DGKI: variants seen among roughly 807,000 people sequenced by gnomAD.
DGKI encodes DAG kinase iota.
DGKI carries 55 observed loss-of-function variants against 147.5 expected under a neutral mutation model. The ratio of observed to expected loss-of-function variants is 0.37; its 90% CI spans 0.30 to 0.47. DGKI has a LOEUF of 0.47. Among genes scored for constraint, DGKI ranks in the 20% least tolerant of loss-of-function variants. The pLI, the probability that DGKI is intolerant of heterozygous loss-of-function variation, is 1.00. For synonymous variants in DGKI, 469 were observed against 477.1 expected (o/e 0.98, Z 0.22); for missense variants, 1,007 against 1,323.8 (o/e 0.76, Z 3.71).
chr7:137,841,366 A>AG (rs1798539750), intron 1 of DGKI, among the ~76,000 whole-genome samples: 1 of 152,270 alleles, frequency 6.6e-6, no homozygotes. Context: ...ATTAGAAATC[A>AG]GCCCATTTTT....
At chr7:137,478,627 T>G (rs1278060368) in intron 23 of DGKI, among the ~76,000 whole-genome samples, 2 of 152,322 alleles carry the variant, frequency 1.3e-5, no homozygotes, top group East Asian at 3.9e-4. Context: ...TAAGGATTCC[T>G]TGATTCAGGG....
intron 21 of DGKI, among the ~76,000 whole-genome samples, chr7:137,504,810 T>G (rs1816309320): frequency 6.6e-6 from 1 of 152,190 alleles, no homozygotes; most frequent in East Asian, 1.9e-4. Flanking sequence ...TAGATAAGCT[T>G]GGTATGGCAA....
At chr7:137,658,221 C>T (rs995194307) in intron 3 of DGKI, among the ~76,000 whole-genome samples, 7 of 152,020 alleles carry the variant, frequency 4.6e-5, no homozygotes, top group Non-Finnish European at 7.4e-5. Flanking sequence ...CAGTAGTAAT[C>T]GTAGTAACAC....
intron 6 of DGKI, among the ~76,000 whole-genome samples, chr7:137,624,960 A>G (rs1468726305): frequency 1.3e-5 from 2 of 152,000 alleles, no homozygotes; most frequent in East Asian, 3.9e-4. Context: ...CTACCTCTCC[A>G]GTCTTCTGTA....
At chr7:137,786,677 G>T (rs1255975240) in intron 1 of DGKI, among the ~76,000 whole-genome samples, 1 of 140,848 alleles carries the variant, frequency 7.1e-6, no homozygotes, top group African/African-American at 2.7e-5. Flanking sequence ...ACTAAGCAAA[G>T]AAAAAAAAAA....
chr7:137,433,330 A>G (rs1813152126), intron 28 of DGKI, among the ~76,000 whole-genome samples: 1 of 152,336 alleles, frequency 6.6e-6, no homozygotes, highest in South Asian at 2.1e-4. Context: ...ATATTTTGCA[A>G]CTGGTAATGA....
Position 137,846,617 on chromosome 7 carries a change from G to A in DGKI, c.246C>T (p.Gly82=), listed in dbSNP as rs1431584997. ...SGSGAGSCCL[G]AEGGADPRGA... ...CCCGCGGGTCCGCGCCGCCCTCGGC[G>A]CCCAGGCAGCAGCTCCCGGCGCCGC... Residue 82 remains glycine, a synonymous_variant, in exon 1 of 33, where the codon GGC becomes GGT. Coordinates refer to ENST00000614521, the MANE Select transcript of DGKI (RefSeq NM_001321708.2). The surrounding 1 kb of genome is among the most constrained non-coding windows in gnomAD (Gnocchi z 4.0). The A allele has an allele frequency of 3.2e-5, 35 of 1,086,306 alleles. No individual in the cohort carries two copies. The East Asian group carries it at 5.4e-4, about 17-fold the overall frequency. The allele number at this position is 1,086,306 out of a possible 1,614,324, so 67.3% of individuals were successfully genotyped here.
chr7:137,659,304 T>G (rs1275990798), intron 3 of DGKI, among the ~76,000 whole-genome samples: 1 of 152,186 alleles, frequency 6.6e-6, no homozygotes, highest in Non-Finnish European at 1.5e-5. Flanking sequence ...AGTAAATAGA[T>G]TTTTAGTTCC....
chr7:137,714,372 T>A (rs1794313458), intron 1 of DGKI, among the ~76,000 whole-genome samples: 1 of 152,246 alleles, frequency 6.6e-6, no homozygotes, highest in African/African-American at 2.4e-5. Flanking sequence ...ACAATTTACA[T>A]CTTTTATAAT....
intron 6 of DGKI, among the ~76,000 whole-genome samples, chr7:137,640,785 C>T (rs1821597742): frequency 6.6e-6 from 1 of 152,046 alleles, no homozygotes; most frequent in African/African-American, 2.4e-5. Context: ...ATATTGTACC[C>T]TAAGTTCACT....
chr7:137,804,774 T>G (rs1251798285), intron 1 of DGKI, among the ~76,000 whole-genome samples: 1 of 152,196 alleles, frequency 6.6e-6, no homozygotes, highest in Non-Finnish European at 1.5e-5. Context: ...CAAAAAGAAA[T>G]GGAAAATGAT....
At chr7:137,723,033 A>G (rs1794614296) in intron 1 of DGKI, among the ~76,000 whole-genome samples, 1 of 152,184 alleles carries the variant, frequency 6.6e-6, no homozygotes, top group Non-Finnish European at 1.5e-5. Flanking sequence ...GGGACTAATT[A>G]TATTATCAAC....
At chr7:137,463,653 C>T in intron 26 of DGKI, 42 bp from the exon 27 acceptor site, 1 of 1,595,116 alleles carries the variant, frequency 6.3e-7, no homozygotes, top group Non-Finnish European at 8.6e-7. Flanking sequence ...CATTCAAAGT[C>T]AGCCACGTGA....
chr7:137,722,116 T>A, intron 1 of DGKI: 2 of 1,598,648 alleles, frequency 1.3e-6, no homozygotes, highest in African/African-American at 2.7e-5. Flanking sequence ...GAAGCCCCAT[T>A]GCAGCCGCAA....
intron 21 of DGKI, among the ~76,000 whole-genome samples, chr7:137,488,098 C>T (rs981120373): frequency 2.0e-5 from 3 of 152,072 alleles, no homozygotes; most frequent in South Asian, 2.1e-4. Flanking sequence ...GATGCAGTGC[C>T]GGGGGAATTA....
intron 1 of DGKI, among the ~76,000 whole-genome samples, chr7:137,835,383 G>A (rs1273745103): frequency 6.6e-6 from 1 of 152,106 alleles, no homozygotes; most frequent in African/African-American, 2.4e-5. Flanking sequence ...ATATGTTGAG[G>A]TGGCTATTTC....
intron 17 of DGKI, among the ~76,000 whole-genome samples, chr7:137,575,647 T>C (rs1364777957): frequency 6.6e-6 from 1 of 152,222 alleles, no homozygotes; most frequent in Non-Finnish European, 1.5e-5. Context: ...GCTACTTAAA[T>C]TTAATAGCCA....
intron 27 of DGKI, among the ~76,000 whole-genome samples, chr7:137,456,177 C>T (rs2128922700): frequency 6.6e-6 from 1 of 152,208 alleles, no homozygotes; most frequent in African/African-American, 2.4e-5. Flanking sequence ...TTGTGAAATA[C>T]CAACATTTCT....
intron 6 of DGKI, among the ~76,000 whole-genome samples, chr7:137,643,678 A>C (rs1383543411): frequency 2.0e-5 from 3 of 152,194 alleles, no homozygotes; most frequent in Non-Finnish European, 4.4e-5. Flanking sequence ...GGCTGAGAAC[A>C]CTGGCAGGAA....
Sources: allele counts gnomAD v4.1 joint callset (sites outside exome capture counted in the v4.1 genomes callset), GRCh38; gene constraint gnomAD v4.1.1; non-coding constraint Gnocchi (gnomAD v3.1); transcripts MANE v1.5; gene names NCBI Gene and HGNC (gene_info 2026-07-23, HGNC 2026-07-21).